The following EYS variants were observed in gnomAD, a reference collection of about 807,000 sequenced individuals.
EYS encodes the protein EGF-like photoreceptor maintenance factor, also known as protein eyes shut homolog.
A neutral mutation model predicts 282.1 loss-of-function variants in EYS; 250 were observed. The ratio of observed to expected loss-of-function variants is 0.89; its 90% CI spans 0.80 to 0.98. The LOEUF (loss-of-function observed/expected upper bound fraction) is 0.98. Among genes scored for constraint, EYS ranks in the 50% least tolerant of loss-of-function variants. EYS has a pLI of 0.00. For synonymous variants in EYS, 1,355 were observed against 1,282.9 expected (o/e 1.06, Z -1.20); for missense variants, 4,016 against 3,709.0 (o/e 1.08, Z -2.15).
At position 63,742,288 on chromosome 6, in the gene EYS, C is replaced by A. The variant is rs186700513; in HGVS notation, c.8072-15608G>T. Among the ~76,000 whole-genome samples the A allele has an allele frequency of 3.7e-4, 56 of 152,238 alleles. 1 individual carries two copies. The highest frequency in any genetic ancestry group is 6.9e-4 in the Non-Finnish European group (47 of 68,024). On this transcript the variant is annotated intron_variant, in intron 41 of 42. Transcript: ENST00000503581. The stretch of plus-strand genomic sequence containing the variant: ...CTTGGTGTGCACCTCTGTTCCCCAG[C>A]TGCTATACCTCTGGCTTTGCTTTTA...
At chr6:64,792,851 T>C (rs917684436) in intron 22 of EYS, among the ~76,000 whole-genome samples, 1 of 151,308 alleles carries the variant, frequency 6.6e-6, no homozygotes, top group East Asian at 1.9e-4. Flanking sequence ...TCATACGATC[T>C]TGACACGTGT....
chr6:64,802,023 CTTTTTTTTTCTT>C (rs1231181310), intron 22 of EYS, among the ~76,000 whole-genome samples: 5 of 70,780 alleles, frequency 7.1e-5, no homozygotes, highest in Non-Finnish European at 1.1e-4. Flanking sequence ...ATTTCTTTTT[CTTTTTTTTTCTT>C]TTTTTTTTTT....
intron 12 of EYS, among the ~76,000 whole-genome samples, chr6:65,156,594 C>A (rs945720886): frequency 6.6e-6 from 1 of 151,078 alleles, no homozygotes; most frequent in African/African-American, 2.4e-5. Context: ...AATTATCTTA[C>A]TGCTACCCTC....
intron 36 of EYS, among the ~76,000 whole-genome samples, chr6:63,836,005 A>T (rs1019927629): frequency 2.6e-5 from 4 of 152,148 alleles, no homozygotes; most frequent in South Asian, 2.1e-4. Context: ...TGCTCCCATT[A>T]TTGGGCTGTT....
intron 22 of EYS, among the ~76,000 whole-genome samples, chr6:64,736,002 A>T (rs536754409): frequency 6.6e-6 from 1 of 152,060 alleles, no homozygotes; most frequent in African/African-American, 2.4e-5. Flanking sequence ...ATAAAAGATG[A>T]ATTAAATCTA....
intron 18 of EYS, among the ~76,000 whole-genome samples, chr6:64,900,112 C>A (rs1042205224): frequency 3.3e-5 from 5 of 152,014 alleles, no homozygotes; most frequent in African/African-American, 1.2e-4. Flanking sequence ...ACAAAGCTGA[C>A]AAAAACAAGC....
chr6:64,774,865 A>T (rs2055172), intron 22 of EYS, among the ~76,000 whole-genome samples: 1 of 151,894 alleles, frequency 6.6e-6, no homozygotes, highest in African/African-American at 2.4e-5. Context: ...CTGATATTTG[A>T]CATGCTTAAA....
chr6:64,680,811 G>A (rs1384783964), intron 22 of EYS, among the ~76,000 whole-genome samples: 1 of 152,162 alleles, frequency 6.6e-6, no homozygotes, highest in Non-Finnish European at 1.5e-5. Flanking sequence ...GCCTGGAGGA[G>A]TGACTCAGAG....
At chr6:64,869,123 A>G (rs1170319703) in intron 19 of EYS, among the ~76,000 whole-genome samples, 2 of 151,522 alleles carry the variant, frequency 1.3e-5, no homozygotes, top group Non-Finnish European at 3.0e-5. Flanking sequence ...TTTATATGAA[A>G]GGATTCTCTT....
At chr6:64,337,449 A>G (rs995182237) in intron 29 of EYS, among the ~76,000 whole-genome samples, 2 of 152,088 alleles carry the variant, frequency 1.3e-5, no homozygotes, top group Non-Finnish European at 2.9e-5. Context: ...CATACCCTGA[A>G]CAGACCAATA....
intron 12 of EYS, among the ~76,000 whole-genome samples, chr6:65,154,316 G>T (rs986655318): frequency 6.6e-6 from 1 of 151,360 alleles, no homozygotes; most frequent in South Asian, 2.1e-4. Flanking sequence ...AAAGAAAGGA[G>T]CAAAGAAAAG....
intron 4 of EYS, among the ~76,000 whole-genome samples, chr6:65,493,846 C>A (rs1018147649): frequency 1.3e-5 from 2 of 152,142 alleles, no homozygotes; most frequent in African/African-American, 4.8e-5. Flanking sequence ...GGATGCCACA[C>A]CAACATCCAT....
intron 13 of EYS, among the ~76,000 whole-genome samples, chr6:65,010,956 G>T (rs992518199): frequency 6.6e-6 from 1 of 152,082 alleles, no homozygotes; most frequent in African/African-American, 2.4e-5. Context: ...GAAGAGAACC[G>T]CCAAGCGGAT....
intron 12 of EYS, among the ~76,000 whole-genome samples, chr6:65,245,213 T>C (rs1767149958): frequency 6.6e-6 from 1 of 152,100 alleles, no homozygotes. Context: ...CACAAACCAA[T>C]ATGTAAATAA....
chr6:65,371,608 G>A (rs1325225317), intron 8 of EYS, among the ~76,000 whole-genome samples: 1 of 151,774 alleles, frequency 6.6e-6, no homozygotes, highest in Non-Finnish European at 1.5e-5. Context: ...AGCAAACCAG[G>A]AGAAGTATGA....
chr6:65,524,238 G>A (rs1223124088), intron 2 of EYS, among the ~76,000 whole-genome samples: 3 of 123,010 alleles, frequency 2.4e-5, no homozygotes, highest in Non-Finnish European at 4.9e-5. Flanking sequence ...TCTCTTCTTT[G>A]TCTGTTTATT....
intron 29 of EYS, among the ~76,000 whole-genome samples, chr6:64,369,394 G>T (rs1228877027): frequency 6.6e-6 from 1 of 152,044 alleles, no homozygotes; most frequent in South Asian, 2.1e-4. Flanking sequence ...GGCTATTCAG[G>T]CTCTTTTTTG....
chr6:64,371,584 A>G (rs142074286), intron 29 of EYS, among the ~76,000 whole-genome samples: 143 of 152,106 alleles, frequency 9.4e-4, no homozygotes, highest in African/African-American at 3.2e-3. Context: ...TTCTGCCTTG[A>G]TGATCTGTCT....
rs143758519 is a variant in EYS, at chr6:65,402,270, T to C, written c.1184+208A>G. ...CGTATACCTAAATTATGCTTGAGAA[T>C]TTCTCAATTTCTCAAATATTTATTT... is the stretch of plus-strand genomic sequence containing the variant. On this transcript the variant is annotated intron_variant, in intron 7 of 42. Coordinates refer to ENST00000503581, the MANE Select transcript of EYS (RefSeq NM_001142800.2). Among the ~76,000 whole-genome samples, 620 of 151,904 alleles carry C rather than the reference T, an allele frequency of 4.1e-3. 5 individuals are homozygous for C. Among genetic ancestry groups the C allele is most frequent in the African/African-American group, 0.014 (587 of 41,516 alleles).
Sources: gnomAD v4.1 joint callset for allele counts (sites outside exome capture counted in the v4.1 genomes callset) on GRCh38, gnomAD v4.1.1 for gene constraint, MANE v1.5 for transcripts, NCBI Gene and HGNC (gene_info 2026-07-23, HGNC 2026-07-21) for gene names.